YBX1: variants seen among roughly 807,000 people sequenced by gnomAD.
YBX1 encodes Y-box binding protein 1.
Under a neutral mutation model 41.4 loss-of-function variants are expected in YBX1, and 3 were observed. The observed-to-expected ratio is 0.07, with a 90% CI of 0.03 to 0.19. YBX1 has a LOEUF of 0.19. Ranked by LOEUF, YBX1 falls within the 10% of genes least tolerant of loss-of-function variation. The pLI, the probability that YBX1 is intolerant of heterozygous loss-of-function variation, is 1.00. For missense variants in YBX1, 274 were observed against 462.8 expected (o/e 0.59, Z 3.74); for synonymous variants, 133 against 165.8 (o/e 0.80, Z 1.52).
chr1:42,686,984 G>C (rs950367558), intron 2 of YBX1, among the ~76,000 whole-genome samples: 7 of 152,140 alleles, frequency 4.6e-5, no homozygotes, highest in Admixed American at 3.3e-4. Flanking sequence ...TAATTTCTTA[G>C]GGTGATTATT....
At chr1:42,700,419 CAT>C (rs1650565723) in intron 6 of YBX1, among the ~76,000 whole-genome samples, 1 of 152,096 alleles carries the variant, frequency 6.6e-6, no homozygotes, top group South Asian at 2.1e-4. Context: ...GCCTTGGAAA[CAT>C]AGCAACACAT....
intron 6 of YBX1, among the ~76,000 whole-genome samples, chr1:42,698,216 A>G (rs764918572): frequency 6.6e-6 from 1 of 152,260 alleles, no homozygotes; most frequent in Admixed American, 6.5e-5. Context: ...TTTAGGAACT[A>G]GGGAATCTAG....
chr1:42,702,624 G>A lies in YBX1; in HGVS notation c.*675G>A, dbSNP rs1344676846. ...TGTAGATTTTGGGTGGGTCCCTTTG[G>A]CTGTGAGGCATTGTTTAAAAGGGCA... On this transcript the variant is annotated 3_prime_UTR_variant, in exon 8 of 8. Coordinates refer to ENST00000321358, the MANE Select transcript of YBX1 (RefSeq NM_004559.5). Among the ~76,000 whole-genome samples the A allele has an allele frequency of 2.3e-5, 3 of 130,206 alleles. No homozygotes were observed. The highest frequency in any genetic ancestry group is 5.2e-5 in the Non-Finnish European group (3 of 58,054). The allele number at this position is 130,206 out of a possible 152,430, so 85.4% of individuals were successfully genotyped here. A position where few individuals can be genotyped will look rare whatever the true frequency, so the allele number is the denominator to read the frequency against.
intron 1 of YBX1, 51 bp downstream of exon 1, chr1:42,682,782 G>C: frequency 8.6e-7 from 1 of 1,160,692 alleles, no homozygotes; most frequent in Non-Finnish European, 1.1e-6. Flanking sequence ...CCCAGCAGCG[G>C]AACCGTTAGC....
chr1:42,686,833 G>A (rs1345890739), intron 2 of YBX1, among the ~76,000 whole-genome samples: 1 of 152,208 alleles, frequency 6.6e-6, no homozygotes, highest in East Asian at 1.9e-4. Context: ...GTTGTTACTT[G>A]TCCCCATAAG....
At chr1:42,697,861 A>G (rs1480044450) in intron 6 of YBX1, among the ~76,000 whole-genome samples, 1 of 152,092 alleles carries the variant, frequency 6.6e-6, no homozygotes, top group Non-Finnish European at 1.5e-5. Context: ...AACCAAGCAT[A>G]TTTTAGTCCA....
intron 2 of YBX1, 37 bp downstream of exon 2, chr1:42,683,503 C>T: frequency 6.2e-7 from 1 of 1,611,468 alleles, no homozygotes; most frequent in Non-Finnish European, 8.5e-7. Context: ...ATCCCACCTT[C>T]TTGCTTGCTT....
chr1:42,683,037 C>A (rs1650087172), intron 1 of YBX1: 1 of 408,056 alleles, frequency 2.5e-6, no homozygotes, highest in Non-Finnish European at 4.8e-6. Context: ...TGCGCTCGGG[C>A]CCGCACGCCG....
chr1:42,700,460 C>T (rs995949623), intron 6 of YBX1, among the ~76,000 whole-genome samples: 1 of 151,894 alleles, frequency 6.6e-6, no homozygotes, highest in Non-Finnish European at 1.5e-5. Context: ...ATTAATGAGA[C>T]GTGGGGGGCT....
intron 2 of YBX1, among the ~76,000 whole-genome samples, chr1:42,690,085 G>A (rs1470184962): frequency 1.3e-5 from 2 of 152,014 alleles, no homozygotes; most frequent in African/African-American, 4.8e-5. Context: ...GGGCGTGGTG[G>A]TGCATACCTG....
At chr1:42,697,523 C>T (rs1451245906) in intron 6 of YBX1, among the ~76,000 whole-genome samples, 1 of 152,146 alleles carries the variant, frequency 6.6e-6, no homozygotes, top group Admixed American at 6.5e-5. Context: ...TTAAACCACA[C>T]CTTTTAAACC....
intron 2 of YBX1, among the ~76,000 whole-genome samples, chr1:42,688,444 C>G (rs1650250105): frequency 7.3e-6 from 1 of 136,860 alleles, no homozygotes; most frequent in African/African-American, 2.6e-5. Flanking sequence ...GAAATGTAAA[C>G]AAACATAAAG....
chr1:42,694,907 A>G (rs1036266387), intron 3 of YBX1, among the ~76,000 whole-genome samples: 17 of 152,112 alleles, frequency 1.1e-4, no homozygotes, highest in African/African-American at 3.1e-4. Context: ...CCTGTTGGCA[A>G]CCCTTAAGGG....
At chr1:42,698,503 C>T (rs1650515772) in intron 6 of YBX1, among the ~76,000 whole-genome samples, 1 of 152,172 alleles carries the variant, frequency 6.6e-6, no homozygotes, top group Non-Finnish European at 1.5e-5. Flanking sequence ...CTGTTAAGTC[C>T]ATGGGTTCCA....
At chr1:42,693,271 A>G (rs1301582014) in intron 2 of YBX1, among the ~76,000 whole-genome samples, 6 of 129,444 alleles carry the variant, frequency 4.6e-5, no homozygotes. Flanking sequence ...AATTTCTTAG[A>G]CTTTTTTTTT....
At chr1:42,701,493 G>T (rs1351468576) in intron 7 of YBX1, among the ~76,000 whole-genome samples, 1 of 151,674 alleles carries the variant, frequency 6.6e-6, no homozygotes, top group Non-Finnish European at 1.5e-5. Flanking sequence ...GGAGAAAGTG[G>T]CAACATTAAT....
intron 3 of YBX1, among the ~76,000 whole-genome samples, chr1:42,694,408 C>A (rs1650410766): frequency 8.1e-6 from 1 of 124,060 alleles, no homozygotes; most frequent in Non-Finnish European, 1.8e-5. Flanking sequence ...TTTGTGCTAT[C>A]AGTTTTCTCA....
chr1:42,684,299 C>A (rs926831658), intron 2 of YBX1, among the ~76,000 whole-genome samples: 1 of 152,208 alleles, frequency 6.6e-6, no homozygotes, highest in African/African-American at 2.4e-5. Context: ...CCATGGGCTC[C>A]CTTGTAAGCC....
chr1:42,684,998 T>A (rs1650157501), intron 2 of YBX1, among the ~76,000 whole-genome samples: 1 of 152,216 alleles, frequency 6.6e-6, no homozygotes. Flanking sequence ...ATGATAATGG[T>A]CTTCGGGCCA....
Sources: gnomAD v4.1 joint callset for allele counts (sites outside exome capture counted in the v4.1 genomes callset) on GRCh38, gnomAD v4.1.1 for gene constraint, MANE v1.5 for transcripts, NCBI Gene and HGNC (gene_info 2026-07-23, HGNC 2026-07-21) for gene names.